Variants in GALNT9 observed in about 807,000 individuals in gnomAD.
GALNT9 encodes GalNAc transferase 9.
Under a neutral mutation model 63.1 loss-of-function variants are expected in GALNT9, and 47 were observed. That is an observed-to-expected ratio of 0.75 (90% CI 0.59 to 0.95). GALNT9 has a LOEUF of 0.95. Among genes scored for constraint, GALNT9 ranks in the 40% least tolerant of loss-of-function variants. The pLI is 0.00. For missense variants in GALNT9, 829 were observed against 874.8 expected, an observed-to-expected ratio of 0.95 and a Z score of 0.66; for synonymous variants, 396 against 365.7, an observed-to-expected ratio of 1.08 and a Z score of -0.94.
Position 132,304,999 on chromosome 12 carries a change from G to A in GALNT9, c.239-18569C>T, listed in dbSNP as rs1358922979. On this transcript the variant is annotated intron_variant, in intron 1 of 10. Coordinates refer to ENST00000328957, the MANE Select transcript of GALNT9 (RefSeq NM_001122636.2). ...CCCTCACCCGGGCACACCCTCACCC[G>A]GGCACATCCTCACCGGGGCACACCC... 3.0e-3 allele frequency among the ~76,000 whole-genome samples: 79 copies of A among 26,094 alleles called. 16 individuals carry two copies. The highest frequency in any genetic ancestry group is 0.011 in the African/African-American group (66 of 6,008). 17.1% of individuals were successfully genotyped at this position (26,094 alleles called of 152,430 possible).
At chr12:132,230,457 C>T (rs1197979490) in intron 6 of GALNT9, among the ~76,000 whole-genome samples, 6 of 152,224 alleles carry the variant, frequency 3.9e-5, no homozygotes, top group African/African-American at 7.2e-5. Flanking sequence ...GCTGCCAGAT[C>T]GACGGGCATA....
intron 6 of GALNT9, among the ~76,000 whole-genome samples, chr12:132,216,276 CACAA>C (rs1482397743): frequency 6.6e-6 from 1 of 152,184 alleles, no homozygotes; most frequent in Admixed American, 6.5e-5. Context: ...GAGAAAGACA[CACAA>C]ACAGAGGAAG....
chr12:132,244,001 G>A (rs1878590795), intron 6 of GALNT9, among the ~76,000 whole-genome samples: 1 of 151,888 alleles, frequency 6.6e-6, no homozygotes, highest in African/African-American at 2.4e-5. Context: ...TTAGGGATGT[G>A]TGGTTAGGGG....
chr12:132,259,478 G>A (rs1267349772), intron 4 of GALNT9, among the ~76,000 whole-genome samples: 2 of 152,244 alleles, frequency 1.3e-5, no homozygotes, highest in Non-Finnish European at 2.9e-5. Context: ...GCGCCCTGCG[G>A]AGGAGCGAGG....
chr12:132,262,304 G>C (rs896045792), intron 3 of GALNT9, among the ~76,000 whole-genome samples, 155 bp downstream of exon 3: 1 of 152,168 alleles, frequency 6.6e-6, no homozygotes, highest in Non-Finnish European at 1.5e-5. Flanking sequence ...ACAGAGGCTG[G>C]AAGGCAGGAG....
At chr12:132,200,000 G>A (rs572568502) in intron 8 of GALNT9, among the ~76,000 whole-genome samples, 6 of 152,216 alleles carry the variant, frequency 3.9e-5, no homozygotes, top group African/African-American at 7.2e-5. Context: ...TGGATGTTAC[G>A]GCTGCTCTGG....
At chr12:132,233,159 G>A (rs1356515877) in intron 6 of GALNT9, among the ~76,000 whole-genome samples, 2 of 60,752 alleles carry the variant, frequency 3.3e-5, no homozygotes, top group Admixed American at 1.9e-4. Flanking sequence ...AGGAGACAGC[G>A]TGGAGCCCCT....
intron 2 of GALNT9, among the ~76,000 whole-genome samples, chr12:132,269,128 G>A (rs911757478): frequency 1.3e-5 from 2 of 152,314 alleles, no homozygotes; most frequent in South Asian, 2.1e-4. Flanking sequence ...TCGGAGCTCC[G>A]CAAAGGCACA....
Position 132,214,899 on chromosome 12 carries a change from G to C in GALNT9, c.1078-11209C>G, listed in dbSNP as rs974350722. Among the ~76,000 whole-genome samples, 18 of 152,376 alleles carry C rather than the reference G, an allele frequency of 1.2e-4. No homozygotes were observed. The Middle Eastern group carries it at 0.017, about 144-fold the overall frequency. ...GCTCAGCTCCTGATCTTGCAGAGCA[G>C]GGGATGCACACCCGTCACAGAGGCC... On this transcript the variant is annotated intron_variant, in intron 6 of 10. Transcript: ENST00000328957.
chr12:132,268,768 G>A (rs1555240459), intron 2 of GALNT9, among the ~76,000 whole-genome samples: 1 of 152,214 alleles, frequency 6.6e-6, no homozygotes, highest in Admixed American at 6.5e-5. Flanking sequence ...CAGCCATCAA[G>A]CACGTGCGCA....
rs545936233 is a variant in GALNT9 at position 132,317,670 on chromosome 12, C to T, written c.238+11296G>A. 2.2e-3 allele frequency among the ~76,000 whole-genome samples: 337 copies of T among 152,344 alleles called. 1 individual carries two copies. The highest frequency in any genetic ancestry group is 7.5e-3 in the African/African-American group (311 of 41,570). ...AAATCTTCCTAAAAGCTCAAAAACA[C>T]GGTGGCCAGACCCCCCTCGCTCAGT... is the stretch of plus-strand genomic sequence containing the variant. On this transcript the variant is annotated intron_variant, in intron 1 of 10. Coordinates refer to ENST00000328957, the MANE Select transcript of GALNT9 (RefSeq NM_001122636.2).
rs1412436481 is a variant in GALNT9, at chr12:132,296,277, G to A, written c.239-9847C>T. Among the ~76,000 whole-genome samples, 1 of 152,240 alleles carries A rather than the reference G, an allele frequency of 6.6e-6. No individual in the cohort carries two copies. Among genetic ancestry groups the A allele is most frequent in the Non-Finnish European group, 1.5e-5 (1 of 68,034 alleles). On this transcript the variant is annotated intron_variant, in intron 1 of 10. Coordinates refer to ENST00000328957, the MANE Select transcript of GALNT9 (RefSeq NM_001122636.2). The surrounding 1 kb of genome is among the most constrained non-coding windows in gnomAD (Gnocchi z 4.2). ...GGCAGCCCCAAGAGATGACCGCACA[G>A]CCTCATGCTCACGCCAGCCGTCCAG...
At chr12:132,262,688 C>G (rs1042402507) in intron 2 of GALNT9, 63 bp from the exon 3 acceptor site, 104 of 1,444,780 alleles carry the variant, frequency 7.2e-5, no homozygotes, top group Non-Finnish European at 8.5e-5. Flanking sequence ...GAAGCCATAG[C>G]TCATCTGTCT....
In GALNT9 at chr12:132,204,293, C is replaced by G. The variant is rs113167382; in HGVS notation, c.1078-603G>C. ...GTTCCACTTAAGCAATACCAGCCTT[C>G]CTATACGTGCTCTTTCACTCCGGTT... On this transcript the variant is annotated intron_variant, in intron 6 of 10. Coordinates refer to ENST00000328957, the MANE Select transcript of GALNT9 (RefSeq NM_001122636.2). Among the ~76,000 whole-genome samples, 289 of 152,358 alleles carry G rather than the reference C, an allele frequency of 1.9e-3. 1 individual carries two copies. The highest frequency in any genetic ancestry group is 6.7e-3 in the African/African-American group (279 of 41,580).
At chr12:132,323,519 C>CA (rs1214153436) in intron 1 of GALNT9, among the ~76,000 whole-genome samples, 1 of 152,204 alleles carries the variant, frequency 6.6e-6, no homozygotes, top group African/African-American at 2.4e-5. Flanking sequence ...CAGATGGGGT[C>CA]AAAATCCCCA....
Position 132,286,137 on chromosome 12 carries a change from G to T in GALNT9, c.419+113C>A. ...GGGCGGTCACTTCCCTGGCGGGCGT[G>T]GGGGCCGCTCACTTCCCCGGCCGGC... On this transcript the variant is annotated intron_variant, in intron 2 of 10. Transcript: ENST00000328957. The surrounding 1 kb of genome is among the most constrained non-coding windows in gnomAD (Gnocchi z 7.4). 7.9e-7 allele frequency: 1 copy of T among 1,258,996 alleles called. No individual in the cohort carries two copies. The highest frequency in any genetic ancestry group is 1.7e-5 in the South Asian group (1 of 60,416). 78.0% of individuals were successfully genotyped at this position (1,258,996 alleles called of 1,614,324 possible).
At chr12:132,211,217 C>T (rs1381132793) in intron 6 of GALNT9, among the ~76,000 whole-genome samples, 1 of 152,174 alleles carries the variant, frequency 6.6e-6, no homozygotes, top group Non-Finnish European at 1.5e-5. Flanking sequence ...GCAGAGAAAA[C>T]GCTTCCACAA....
chr12:132,288,091 G>A (rs1199669980), intron 1 of GALNT9, among the ~76,000 whole-genome samples: 1 of 152,174 alleles, frequency 6.6e-6, no homozygotes, highest in African/African-American at 2.4e-5. Context: ...CCGCCTGGGA[G>A]GGGACCTTCT....
At chr12:132,215,224 C>T (rs12299478) in intron 6 of GALNT9, among the ~76,000 whole-genome samples, 27,008 of 152,288 alleles carry the variant, frequency 0.18, 2,488 homozygotes, top group Middle Eastern at 0.3. Context: ...AGCTCTTTCT[C>T]GTGGTTTGCA....
Sources: allele counts gnomAD v4.1 joint callset (sites outside exome capture counted in the v4.1 genomes callset), GRCh38; gene constraint gnomAD v4.1.1; non-coding constraint Gnocchi (gnomAD v3.1); transcripts MANE v1.5; gene names NCBI Gene and HGNC (gene_info 2026-07-23, HGNC 2026-07-21).